Variants in FES observed in about 807,000 individuals in gnomAD.
The protein encoded by FES is tyrosine-protein kinase Fes/Fps.
A neutral mutation model predicts 109.6 loss-of-function variants in FES; 83 were observed. The observed-to-expected ratio is 0.76, with a 90% CI of 0.63 to 0.91. The LOEUF (loss-of-function observed/expected upper bound fraction) is 0.91. Among genes scored for constraint, FES ranks in the 40% least tolerant of loss-of-function variants. The pLI is 0.00. For missense variants in FES, 943 were observed against 1,070.9 expected (o/e 0.88, Z 1.67); for synonymous variants, 458 against 442.1 (o/e 1.04, Z -0.45).
At chr15:90,890,546 C>A in intron 10 of FES, 62 bp downstream of exon 10, 2 of 1,461,524 alleles carry the variant, frequency 1.4e-6, no homozygotes, top group Non-Finnish European at 1.9e-6. Context: ...ACTGGGATGT[C>A]CTAGAGAGGA....
Position 90,885,465 on chromosome 15 carries a change from G to A in FES, c.267G>A (p.Gln89=). The A allele has an allele frequency of 4.3e-6, 7 of 1,613,410 alleles. No homozygotes were observed. The highest frequency in any genetic ancestry group is 5.9e-6 in the Non-Finnish European group (7 of 1,180,032). ...QTEGLSRLLR[Q]HAEDLNSGPL... The stretch of plus-strand genomic sequence containing the variant: ...AGGGCCTGAGCCGCTTGCTGCGGCA[G>A]CACGCAGAGGATCTGAACTCAGGGC... The change falls in exon 3 of 19, where the codon CAG becomes CAA. Residue 89 remains glutamine, a synonymous_variant. Coordinates refer to ENST00000328850, the MANE Select transcript of FES (RefSeq NM_002005.4).
chr15:90,892,516 G>C (rs189621880), intron 13 of FES, 191 bp from the exon 14 acceptor site: 16 of 587,344 alleles, frequency 2.7e-5, no homozygotes, highest in Non-Finnish European at 4.9e-5. Flanking sequence ...GTGGCACATC[G>C]GAGGCAACTT....
chr15:90,889,635 A>T lies in FES; in HGVS notation c.925A>T (p.Thr309Ser). The T allele has an allele frequency of 6.2e-7, 1 of 1,612,974 alleles. No individual in the cohort carries two copies. Reference protein sequence around the residue: ...NELTVESVQHTLTSVTDELAV... With the variant: ...NELTVESVQHSLTSVTDELAV... ...GCTGACTGTGGAGAGCGTGCAGCAC[A>T]CGTGGGTGGTGGCTTTGCACCTGGG... The change falls in exon 7 of 19, where the codon ACG becomes TCG. Residue 309 changes from threonine (T) to serine (S), a missense_variant and splice_region_variant. Coordinates refer to ENST00000328850, the MANE Select transcript of FES (RefSeq NM_002005.4). This position sits in a 1 kb window ranked among gnomAD's most constrained non-coding sequence, Gnocchi z 6.1.
intron 14 of FES, 137 bp from the exon 15 acceptor site, chr15:90,892,963 G>A: frequency 1.5e-6 from 2 of 1,314,838 alleles, no homozygotes; most frequent in Admixed American, 1.9e-5. Flanking sequence ...CCCTTATAGT[G>A]CCGAAGGGTA....
rs753965166 is a variant in FES at position 90,891,059 on chromosome 15, G to A, written c.1398G>A (p.Pro466=). 8 of 1,598,456 alleles carry A rather than the reference G, an allele frequency of 5.0e-6. No individual in the cohort carries two copies. The highest frequency in any genetic ancestry group is 2.3e-5 in the East Asian group (1 of 44,426). ...HEQLWYHGAI[P]RAEVAELLVH... ...AGCTGTGGTACCACGGGGCCATCCC[G>A]AGGGCAGAGGTGGCTGAGCTGCTGG... The change falls in exon 11 of 19, where the codon CCG becomes CCA. Residue 466 remains proline (P), a synonymous_variant. Coordinates refer to ENST00000328850, the MANE Select transcript of FES (RefSeq NM_002005.4).
Position 90,892,088 on chromosome 15 carries a change from G to C in FES, c.1684G>C (p.Val562Leu), listed in dbSNP as rs1285743344. 11 of 1,614,116 alleles carry C rather than the reference G, an allele frequency of 6.8e-6. No individual in the cohort carries two copies. Among genetic ancestry groups the C allele is most frequent in the East Asian group, 6.7e-5 (3 of 44,876 alleles). The change falls in exon 13 of 19, where the codon GTG becomes CTG. Residue 562 changes from valine to leucine, a missense_variant. Transcript: ENST00000328850. ...GTGGGTGCTGAACCATGAGGACCTG[G>C]TGTTGGGTGAGCAGATTGGACGGGT... Reference protein sequence around the residue: ...DKWVLNHEDLVLGEQIGRGNF... With the variant: ...DKWVLNHEDLLLGEQIGRGNF...
In FES at chr15:90,887,445, A is replaced by T. The variant is rs36113227; in HGVS notation, c.668+75A>T. Reference sequence around the variant, plus strand: ...CCCAGCCATCAGGCCCAGAGGCAGGACCCAGAAAATCCATTGCTGGGAAGG... The same window carrying T: ...CCCAGCCATCAGGCCCAGAGGCAGGTCCCAGAAAATCCATTGCTGGGAAGG... On this transcript the variant is annotated intron_variant, in intron 5 of 18. Coordinates refer to ENST00000328850, the MANE Select transcript of FES (RefSeq NM_002005.4). The T allele has an allele frequency of 4.1e-4, 587 of 1,441,284 alleles. 6 individuals carry two copies. The African/African-American group carries it at 7.2e-3, about 18-fold the overall frequency. 89.3% of individuals were successfully genotyped at this position (1,441,284 alleles called of 1,614,324 possible). A position where few individuals can be genotyped will look rare whatever the true frequency, so the allele number is the denominator to read the frequency against.
chr15:90,889,971 GC>G lies in FES; in HGVS notation c.1049+13del. On this transcript the variant is annotated intron_variant, in intron 8 of 18. Transcript: ENST00000328850. The surrounding 1 kb of genome is among the most constrained non-coding windows in gnomAD (Gnocchi z 6.1). Reference sequence around the variant, plus strand: ...ACCCACCCCCGGGAGCGGTGAGTGGGCCCCTGCCTGCAGCAGCCTCCTGGGC... The same window carrying G: ...ACCCACCCCCGGGAGCGGTGAGTGGGCCCTGCCTGCAGCAGCCTCCTGGGC... The G allele has an allele frequency of 6.2e-7, 1 of 1,612,012 alleles. No homozygotes were observed.
intron 3 of FES, among the ~76,000 whole-genome samples, chr15:90,886,597 A>T (rs989687029): frequency 6.6e-6 from 1 of 152,204 alleles, no homozygotes; most frequent in African/African-American, 2.4e-5. Flanking sequence ...TTGTTAAAAG[A>T]TTGCTAGGAA....
chr15:90,893,848 G>T, intron 17 of FES, 37 bp downstream of exon 17: 1 of 1,599,150 alleles, frequency 6.3e-7, no homozygotes, highest in Non-Finnish European at 8.5e-7. Flanking sequence ...TCCATGGCCA[G>T]AGGCCAGGCC....
rs2033637470 is a variant in FES, at chr15:90,895,585, G to A, written c.*27G>A. On this transcript the variant is annotated 3_prime_UTR_variant, in exon 19 of 19. Transcript: ENST00000328850. ...GCTGGGACCCCCTTCTCAAGCTGGT[G>A]GCCTCTGCAGGCCTAGGTGCAGCTC... The A allele has an allele frequency of 6.6e-7, 1 of 1,516,496 alleles. No homozygotes were observed. Among genetic ancestry groups the A allele is most frequent in the Non-Finnish European group, 8.9e-7 (1 of 1,127,060 alleles). 93.9% of individuals were successfully genotyped at this position (1,516,496 alleles called of 1,614,324 possible). A position where few individuals can be genotyped will look rare whatever the true frequency, so the allele number is the denominator to read the frequency against.
chr15:90,888,747 CATTTATTT>C (rs57072260), intron 5 of FES, among the ~76,000 whole-genome samples: 36,933 of 142,464 alleles, frequency 0.26, 5,120 homozygotes, highest in Non-Finnish European at 0.3. Flanking sequence ...GATAGCAGTT[CATTTATTT>C]ATTTATTTAT....
rs568341108 is a variant in FES, at chr15:90,890,330, G to T, written c.1236+52G>T. Reference sequence around the variant, plus strand: ...CCCGCCACCGGCCTGCCCACCTGGGGCTGCGCTCCTCATTTTCGCCCTCCC... The same window carrying T: ...CCCGCCACCGGCCTGCCCACCTGGGTCTGCGCTCCTCATTTTCGCCCTCCC... On this transcript the variant is annotated intron_variant, in intron 9 of 18. Transcript: ENST00000328850. The T allele has an allele frequency of 5.7e-6, 9 of 1,592,030 alleles. No homozygotes were observed. The East Asian group carries it at 1.8e-4, about 32-fold the overall frequency.
At chr15:90,886,000 T>G (rs1596091012) in intron 3 of FES, among the ~76,000 whole-genome samples, 1 of 152,140 alleles carries the variant, frequency 6.6e-6, no homozygotes, top group Non-Finnish European at 1.5e-5. Flanking sequence ...CCCCCGAAGG[T>G]CGAGGATTCG....
In FES at chr15:90,893,164, C is replaced by T. The variant is rs1340572231; in HGVS notation, c.1891C>T (p.Pro631Ser). The change falls in exon 15 of 19, where the codon CCC becomes TCC. Residue 631 changes from proline (P) to serine (S), a missense_variant. By Grantham distance (74) the Pro-to-Ser change is moderately conservative. Coordinates refer to ENST00000328850, the MANE Select transcript of FES (RefSeq NM_002005.4). ...RLIGVCTQKQ[P>S]IYIVMELVQG... ...CATTGGTGTCTGCACCCAGAAGCAG[C>T]CCATCTACATCGTCATGGAGCTTGT... The T allele has an allele frequency of 6.2e-7, 1 of 1,614,026 alleles. No homozygotes were observed. The highest frequency in any genetic ancestry group is 8.5e-7 in the Non-Finnish European group (1 of 1,179,976).
rs532064883 is a variant in FES, at chr15:90,893,213, G to C, written c.1921+19G>C. The C allele has an allele frequency of 6.2e-7, 1 of 1,613,548 alleles. No individual in the cohort carries two copies. The highest frequency in any genetic ancestry group is 1.7e-5 in the Admixed American group (1 of 59,986). ...GTGCAGGGTGAGCGCGGGGCGCTGA[G>C]CTCCAGGTAGGGCGCGCAGCCTGGT... is the stretch of plus-strand genomic sequence containing the variant. On this transcript the variant is annotated intron_variant, in intron 15 of 18. Transcript: ENST00000328850.
In FES at chr15:90,891,540, C is replaced by A. The variant is rs200303705; in HGVS notation, c.1531-14C>A. On this transcript the variant is annotated splice_polypyrimidine_tract_variant and intron_variant, in intron 11 of 18. Coordinates refer to ENST00000328850, the MANE Select transcript of FES (RefSeq NM_002005.4). ...AGAATGGAGGCTGCTGACCCCGGGTCCCCTGCCCTGCAGAACCTGTACCGA... is the reference window on the plus strand; with the variant it reads ...AGAATGGAGGCTGCTGACCCCGGGTACCCTGCCCTGCAGAACCTGTACCGA... 1.1e-5 allele frequency: 17 copies of A among 1,613,340 alleles called. No homozygotes were observed. In the East Asian group the frequency reaches 3.6e-4, roughly 34 times the overall value.
chr15:90,890,903 A>G, intron 10 of FES, 79 bp from the exon 11 acceptor site: 3 of 1,347,312 alleles, frequency 2.2e-6, no homozygotes, highest in Non-Finnish European at 2.0e-6. Context: ...TATAGGGGGG[A>G]GAGAGAGACC....
chr15:90,893,530 C>T, intron 16 of FES, 116 bp downstream of exon 16: 1 of 1,489,444 alleles, frequency 6.7e-7, no homozygotes, highest in East Asian at 2.3e-5. Context: ...GGGGAGTTGG[C>T]CTCTGTGGTA....
Sources: allele counts gnomAD v4.1 joint callset (sites outside exome capture counted in the v4.1 genomes callset), GRCh38; gene constraint gnomAD v4.1.1; non-coding constraint Gnocchi (gnomAD v3.1); transcripts MANE v1.5; gene names NCBI Gene and HGNC (gene_info 2026-07-23, HGNC 2026-07-21).